Variants in TNS1 observed in about 807,000 individuals in gnomAD.
TNS1 encodes tensin 1.
In TNS1, 62 loss-of-function variants were observed where a neutral mutation model predicts 168.6. The ratio of observed to expected loss-of-function variants is 0.37; its 90% confidence interval spans 0.30 to 0.45. The LOEUF (loss-of-function observed/expected upper bound fraction) is 0.45. Ranked by LOEUF, TNS1 falls within the 20% of genes least tolerant of loss-of-function variation. TNS1 has a pLI of 1.00. For missense variants in TNS1, 2,240 were observed against 2,339.4 expected, an observed-to-expected ratio of 0.96 and a Z score of 0.88; for synonymous variants, 934 against 933.2, an observed-to-expected ratio of 1.00 and a Z score of -0.02.
upstream of TNS1, among the ~76,000 whole-genome samples, chr2:218,012,976 G>T (rs933494609): frequency 6.6e-6 from 1 of 152,212 alleles, no homozygotes; most frequent in Non-Finnish European, 1.5e-5. Context: ...GGCCATGCAC[G>T]GTGGCTCACA....
chr2:217,847,497 G>A lies in TNS1; in HGVS notation c.3007+13C>T, dbSNP rs778337713. The A allele has an allele frequency of 2.1e-6, 3 of 1,442,400 alleles. No individual in the cohort carries two copies. Among genetic ancestry groups the A allele is most frequent in the Non-Finnish European group, 2.8e-6 (3 of 1,089,712 alleles). 89.4% of individuals were successfully genotyped at this position (1,442,400 alleles called of 1,614,324 possible). A position where few individuals can be genotyped will look rare whatever the true frequency, so the allele number is the denominator to read the frequency against. ...GGAAGGGGTAGAAGGAGTCAGGACT[G>A]AATACCTCTTACCTGCTACCCTGTG... On this transcript the variant is annotated intron_variant, in intron 19 of 32. Coordinates refer to ENST00000682258, the MANE Select transcript of TNS1 (RefSeq NM_001387777.1).
chr2:217,949,992 C>T (rs1380606445), intron 3 of TNS1, among the ~76,000 whole-genome samples: 1 of 152,148 alleles, frequency 6.6e-6, no homozygotes, highest in East Asian at 1.9e-4. Context: ...CCCCAAAAGG[C>T]ACAGGCACTT....
chr2:217,993,554 C>T lies in TNS1; in HGVS notation c.34-2498G>A, dbSNP rs77749465. Among the ~76,000 whole-genome samples the T allele has an allele frequency of 9.4e-3, 1,436 of 152,340 alleles. 10 individuals are homozygous for T. Among genetic ancestry groups the T allele is most frequent in the Middle Eastern group, 0.037 (11 of 294 alleles). The stretch of plus-strand genomic sequence containing the variant: ...AACCCAAACTAAGGGACAACCTACA[C>T]ATTAAACGTCTTGGAATCTCCGAAA... On this transcript the variant is annotated intron_variant, in intron 1 of 32. Transcript: ENST00000682258.
chr2:218,021,435 G>C (rs1958805323), intron 1 of TNS1, among the ~76,000 whole-genome samples: 1 of 152,200 alleles, frequency 6.6e-6, no homozygotes, highest in Non-Finnish European at 1.5e-5. Context: ...CCACCTTCCA[G>C]GTAGGAAAGT....
chr2:217,893,663 C>T, intron 9 of TNS1, 102 bp from the exon 10 acceptor site: 7 of 1,464,532 alleles, frequency 4.8e-6, no homozygotes, highest in South Asian at 4.2e-5. Flanking sequence ...GGCAGTGGCC[C>T]GCAGCTGCTG....
chr2:217,871,459 A>C (rs1283644347), intron 18 of TNS1, among the ~76,000 whole-genome samples: 1 of 152,176 alleles, frequency 6.6e-6, no homozygotes, highest in East Asian at 1.9e-4. Flanking sequence ...CTTAGATACA[A>C]GGGGCACATG....
At chr2:217,885,481 T>C (rs561693927) in intron 15 of TNS1, among the ~76,000 whole-genome samples, 1 of 152,340 alleles carries the variant, frequency 6.6e-6, no homozygotes, top group Non-Finnish European at 1.5e-5. Context: ...AGAGAGTCCT[T>C]GTCACCAATA....
In TNS1 at chr2:217,885,798, C is replaced by G. The variant is rs1951137880; in HGVS notation, c.1062G>C (p.Gln354His). ...GCTCGATGGTGATGCAGACGCTAGT[C>G]TGGCTGTCTCCTGGGATGTTGCTAA... ...SGIYNIPGDS[Q>H]TSVCITIEPG... Residue 354 changes from glutamine to histidine, a missense_variant, in exon 15 of 33, where the codon CAG becomes CAC. By Grantham distance (24) the Gln-to-His change is conservative. Around this residue, in one of 2 missense-constraint regions of TNS1, gnomAD observed 2,131 missense variants for 2,171.2 expected, o/e 0.98. Transcript: ENST00000682258. 1.2e-6 allele frequency: 2 copies of G among 1,614,162 alleles called. No individual in the cohort carries two copies. Among genetic ancestry groups the G allele is most frequent in the African/African-American group, 2.7e-5 (2 of 75,034 alleles).
rs991718794 is a variant in TNS1 at position 217,849,577 on chromosome 2, G to C, written c.1430-490C>G. Reference sequence around the variant, plus strand: ...GCACGTGATGGGAGTTCAACAGCTGGGAGCCCTAACCATCACCATTATGAG... The same window carrying C: ...GCACGTGATGGGAGTTCAACAGCTGCGAGCCCTAACCATCACCATTATGAG... On this transcript the variant is annotated intron_variant, in intron 18 of 32. Transcript: ENST00000682258. The C allele has an allele frequency of 1.0e-5, 9 of 895,748 alleles. No homozygotes were observed. In the African/African-American group the frequency reaches 1.6e-4, roughly 16 times the overall value. The allele number at this position is 895,748 out of a possible 1,614,324, so 55.5% of individuals were successfully genotyped here.
chr2:218,012,636 C>A (rs1348079711), upstream of TNS1, among the ~76,000 whole-genome samples: 3 of 152,184 alleles, frequency 2.0e-5, no homozygotes, highest in East Asian at 5.8e-4. Context: ...CAACTTCTGG[C>A]CCCCCACCCC....
upstream of TNS1, among the ~76,000 whole-genome samples, chr2:218,007,576 G>T (rs865828087): frequency 3.3e-3 from 443 of 135,088 alleles, 5 homozygotes; most frequent in African/African-American, 0.011. Flanking sequence ...TGGGGGGGGG[G>T]GTTCAGCCAG....
At chr2:217,835,837 G>C (rs1047415660) in intron 20 of TNS1, among the ~76,000 whole-genome samples, 178 bp downstream of exon 20, 2 of 152,170 alleles carry the variant, frequency 1.3e-5, no homozygotes, top group African/African-American at 4.8e-5. Flanking sequence ...TGGGAACATA[G>C]AGCTATTTAA....
intron 25 of TNS1, 23 bp downstream of exon 25, chr2:217,814,889 G>C: frequency 6.2e-7 from 1 of 1,600,358 alleles, no homozygotes; most frequent in Non-Finnish European, 8.5e-7. Context: ...GGCCTCTGAT[G>C]CACCACAGAG....
intron 19 of TNS1, among the ~76,000 whole-genome samples, chr2:217,843,861 C>T (rs1016107340): frequency 7.9e-5 from 12 of 152,222 alleles, no homozygotes; most frequent in African/African-American, 2.7e-4. Flanking sequence ...CTCACATACA[C>T]CCAAAGCTTT....
intron 30 of TNS1, among the ~76,000 whole-genome samples, chr2:217,809,455 G>A (rs867713367): frequency 3.7e-5 from 2 of 53,598 alleles, no homozygotes; most frequent in Admixed American, 1.9e-4. Flanking sequence ...ATGGATGGAT[G>A]GATGCATGGA....
At chr2:217,940,274 T>TTCCTGCC (rs1559377925) in intron 3 of TNS1, among the ~76,000 whole-genome samples, 3 of 152,182 alleles carry the variant, frequency 2.0e-5, no homozygotes, top group Non-Finnish European at 4.4e-5. Context: ...CTGATTTGCT[T>TTCCTGCC]TATTTGGAGG....
In TNS1 at chr2:217,802,147, G is replaced by A. The variant is rs1425385857; in HGVS notation, c.*2312C>T. On this transcript the variant is annotated 3_prime_UTR_variant, in exon 33 of 33. Coordinates refer to ENST00000682258, the MANE Select transcript of TNS1 (RefSeq NM_001387777.1). ...GAGATATTTACAAAGGAAGGGGATG[G>A]GAAATATCTCCTATCTTGGAAGATA... 6.6e-6 allele frequency: 1 copy of A among 152,214 alleles called. No homozygotes were observed. The highest frequency in any genetic ancestry group is 1.5e-5 in the Non-Finnish European group (1 of 68,046). The allele number at this position is 152,214 out of a possible 1,614,324, so 9.4% of individuals were successfully genotyped here. A position where few individuals can be genotyped will look rare whatever the true frequency, so the allele number is the denominator to read the frequency against.
At chr2:217,944,578 T>C (rs1295869635) in intron 3 of TNS1, among the ~76,000 whole-genome samples, 2 of 152,256 alleles carry the variant, frequency 1.3e-5, no homozygotes, top group South Asian at 2.1e-4. Context: ...ATCTCACTTC[T>C]GAACCTGCTT....
chr2:217,956,403 C>T (rs1957363799), intron 3 of TNS1, among the ~76,000 whole-genome samples: 1 of 149,878 alleles, frequency 6.7e-6, no homozygotes, highest in African/African-American at 2.5e-5. Flanking sequence ...TCCTGAGGGG[C>T]GCAGCAGAAG....
Sources: gnomAD v4.1 joint callset for allele counts (sites outside exome capture counted in the v4.1 genomes callset) on GRCh38, gnomAD v4.1.1 for gene constraint, gnomAD v4.1.1 regional missense constraint, MANE v1.5 for transcripts, NCBI Gene and HGNC (gene_info 2026-07-23, HGNC 2026-07-21) for gene names.